Variants in KCNB2 observed in about 807,000 individuals in gnomAD.
The protein encoded by KCNB2 is delayed rectifier potassium channel protein.
Under a neutral mutation model 61.5 loss-of-function variants are expected in KCNB2, and 15 were observed. The ratio of observed to expected loss-of-function variants is 0.24; its 90% CI spans 0.16 to 0.38. The LOEUF is 0.38. KCNB2 is among the 10% of genes least tolerant of loss of function. KCNB2 has a pLI of 1.00. For synonymous variants in KCNB2, 457 were observed against 446.0 expected, an observed-to-expected ratio of 1.02 and a Z score of -0.31; for missense variants, 828 against 1,125.2, an observed-to-expected ratio of 0.74 and a Z score of 3.78.
At chr8:72,582,367 G>A (rs1488483685) in intron 2 of KCNB2, among the ~76,000 whole-genome samples, 1 of 152,126 alleles carries the variant, frequency 6.6e-6, no homozygotes, top group African/African-American at 2.4e-5. Flanking sequence ...TGGCTGTTCT[G>A]GCCAGTCCCT....
intron 2 of KCNB2, among the ~76,000 whole-genome samples, chr8:72,900,210 G>A (rs2129006534): frequency 6.6e-6 from 1 of 152,188 alleles, no homozygotes; most frequent in East Asian, 1.9e-4. Context: ...ACAAACATCT[G>A]ACTTTGACAA....
At chr8:72,848,753 T>A (rs1810042781) in intron 2 of KCNB2, among the ~76,000 whole-genome samples, 1 of 152,062 alleles carries the variant, frequency 6.6e-6, no homozygotes, top group Non-Finnish European at 1.5e-5. Flanking sequence ...ATTAAATTCA[T>A]TGATTAATTC....
intron 2 of KCNB2, among the ~76,000 whole-genome samples, chr8:72,716,806 T>C (rs1345341999): frequency 1.3e-5 from 2 of 152,096 alleles, no homozygotes; most frequent in East Asian, 1.9e-4. Context: ...TTGGAAGTTC[T>C]GGCCAGGGCA....
intron 2 of KCNB2, among the ~76,000 whole-genome samples, chr8:72,883,827 T>C (rs1805756773): frequency 6.6e-6 from 1 of 152,242 alleles, no homozygotes; most frequent in Non-Finnish European, 1.5e-5. Context: ...AATATTTCTT[T>C]TCTTGATGGA....
chr8:72,935,831 A>T, intron 2 of KCNB2, 104 bp from the exon 3 acceptor site: 5 of 772,634 alleles, frequency 6.5e-6, no homozygotes, highest in Non-Finnish European at 1.1e-5. Flanking sequence ...TTCTTGGAAG[A>T]ACTTGGAGCA....
chr8:72,821,641 C>CAAAAAAAAAAAA (rs61090576), intron 2 of KCNB2, among the ~76,000 whole-genome samples: 28 of 125,702 alleles, frequency 2.2e-4, no homozygotes, highest in African/African-American at 2.6e-4. Flanking sequence ...CAAAAAAAAA[C>CAAAAAAAAAAAA]AAAAAAAAAA....
At chr8:72,641,453 C>T (rs1270956976) in intron 2 of KCNB2, among the ~76,000 whole-genome samples, 1 of 152,030 alleles carries the variant, frequency 6.6e-6, no homozygotes, top group Non-Finnish European at 1.5e-5. Flanking sequence ...GATGTTCTGA[C>T]CTTTACCTTC....
chr8:72,652,697 G>A (rs766600278), intron 2 of KCNB2, among the ~76,000 whole-genome samples: 6 of 152,084 alleles, frequency 3.9e-5, no homozygotes, highest in Non-Finnish European at 7.4e-5. Context: ...TGACTGGTGC[G>A]CTGCCATGCT....
intron 2 of KCNB2, among the ~76,000 whole-genome samples, chr8:72,640,401 A>G (rs559240708): frequency 4.6e-5 from 7 of 151,986 alleles, no homozygotes; most frequent in African/African-American, 1.2e-4. Flanking sequence ...TTTCTTTATT[A>G]TGGTCATCAG....
At chr8:72,583,043 CA>C (rs201754874) in intron 2 of KCNB2, among the ~76,000 whole-genome samples, 44 of 146,240 alleles carry the variant, frequency 3.0e-4, no homozygotes, top group African/African-American at 6.0e-4. Context: ...CATTGTAATC[CA>C]AAAAAAAAAA....
intron 2 of KCNB2, among the ~76,000 whole-genome samples, chr8:72,729,952 TG>T (rs1585857693): frequency 6.6e-6 from 1 of 152,102 alleles, no homozygotes; most frequent in African/African-American, 2.4e-5. Flanking sequence ...ATGGTCTTAA[TG>T]GGGGGCAGAG....
intron 2 of KCNB2, among the ~76,000 whole-genome samples, chr8:72,931,981 C>G (rs1806794218): frequency 6.6e-6 from 1 of 151,786 alleles, no homozygotes; most frequent in African/African-American, 2.4e-5. Flanking sequence ...CCACTGCACT[C>G]CAGCCTGGGC....
chr8:72,704,940 AT>A (rs1057264371), intron 2 of KCNB2, among the ~76,000 whole-genome samples: 1 of 132,918 alleles, frequency 7.5e-6, no homozygotes, highest in African/African-American at 3.0e-5. Flanking sequence ...GTCATACCAT[AT>A]TTTTTAATTT....
intron 2 of KCNB2, chr8:72,875,226 C>T (rs1284100455): frequency 6.6e-6 from 1 of 152,260 alleles, no homozygotes; most frequent in East Asian, 1.9e-4. Flanking sequence ...AGAACAGACA[C>T]ACCCTCAGAA....
At chr8:72,542,740 A>G (rs1026512818) in intron 1 of KCNB2, among the ~76,000 whole-genome samples, 11 of 152,170 alleles carry the variant, frequency 7.2e-5, no homozygotes, top group African/African-American at 2.7e-4. Context: ...AAGCGATATA[A>G]GAGTGATAGA....
chr8:72,714,310 T>C (rs955347219), intron 2 of KCNB2, among the ~76,000 whole-genome samples: 54 of 151,924 alleles, frequency 3.6e-4, no homozygotes, highest in African/African-American at 1.3e-3. Flanking sequence ...ATACAGAGAA[T>C]GCCACAAAGA....
intron 2 of KCNB2, among the ~76,000 whole-genome samples, chr8:72,832,712 A>G (rs1400986942): frequency 6.6e-6 from 1 of 152,202 alleles, no homozygotes; most frequent in African/African-American, 2.4e-5. Flanking sequence ...GGACTTTATT[A>G]CTGCAATAGC....
intron 2 of KCNB2, among the ~76,000 whole-genome samples, chr8:72,694,213 C>T (rs80347067): frequency 0.055 from 8,393 of 152,210 alleles, 338 homozygotes; most frequent in South Asian, 0.15. Context: ...TGCAGACATG[C>T]AAAGCCCTTT....
At chr8:72,665,576 T>A (rs903808781) in intron 2 of KCNB2, among the ~76,000 whole-genome samples, 6 of 121,428 alleles carry the variant, frequency 4.9e-5, no homozygotes, top group African/African-American at 1.7e-4. Flanking sequence ...TGGGGAAAAA[T>A]CTCTTATTCA....
Sources: gnomAD v4.1 joint callset for allele counts (sites outside exome capture counted in the v4.1 genomes callset) on GRCh38, gnomAD v4.1.1 for gene constraint, MANE v1.5 for transcripts, NCBI Gene and HGNC (gene_info 2026-07-23, HGNC 2026-07-21) for gene names.